DOCK2: variants seen among roughly 807,000 people sequenced by gnomAD.
DOCK2 encodes dedicator of cytokinesis 2, also known as dedicator of cytokinesis protein 2.
DOCK2 carries 87 observed loss-of-function variants against 248.9 expected under a neutral mutation model. The observed-to-expected ratio is 0.35, with a 90% CI of 0.29 to 0.42. DOCK2 has a LOEUF of 0.42. Ranked by LOEUF, DOCK2 falls within the 10% of genes least tolerant of loss-of-function variation. The probability of loss-of-function intolerance (pLI) is 1.00; values close to 1 mark genes in which losing one functional copy is unlikely to be tolerated. For missense variants in DOCK2, 1,747 were observed against 2,300.2 expected, an observed-to-expected ratio of 0.76 and a Z score of 4.92; for synonymous variants, 805 against 821.6, an observed-to-expected ratio of 0.98 and a Z score of 0.35.
intron 33 of DOCK2, 136 bp downstream of exon 33, chr5:170,019,244 C>CG: frequency 2.2e-6 from 3 of 1,342,002 alleles, no homozygotes; most frequent in Non-Finnish European, 3.1e-6. Context: ...TTCATGGGTC[C>CG]GGAATGAGCT....
chr5:170,014,634 TG>T (rs1193063521), intron 32 of DOCK2, among the ~76,000 whole-genome samples: 18 of 43,280 alleles, frequency 4.2e-4, no homozygotes, highest in Admixed American at 2.3e-3. Flanking sequence ...CAGAGACATG[TG>T]TTGGGGGGGG....
rs191827946 is a variant in DOCK2 at position 169,767,214 on chromosome 5, C to T, written c.2554+5589C>T. Among the ~76,000 whole-genome samples the T allele has an allele frequency of 2.6e-5, 4 of 152,194 alleles. No homozygotes were observed. In the East Asian group the frequency reaches 7.7e-4, roughly 29 times the overall value. Reference sequence around the variant, plus strand: ...TCTTTTAAGAAGTGTCTGTTCATGTCCTTTGTCCGCTTTTTAATGGGGTTG... The same window carrying T: ...TCTTTTAAGAAGTGTCTGTTCATGTTCTTTGTCCGCTTTTTAATGGGGTTG... On this transcript the variant is annotated intron_variant, in intron 25 of 51. Coordinates refer to ENST00000520908, the MANE Select transcript of DOCK2 (RefSeq NM_004946.3).
chr5:169,881,441 G>A (rs761924914), intron 27 of DOCK2: 23 of 1,551,284 alleles, frequency 1.5e-5, no homozygotes, highest in South Asian at 1.2e-4. Context: ...TAAAAGTTGC[G>A]CCTGCAAGAC....
chr5:169,966,563 C>T (rs1777308167), intron 27 of DOCK2, among the ~76,000 whole-genome samples: 1 of 152,194 alleles, frequency 6.6e-6, no homozygotes, highest in Admixed American at 6.5e-5. Flanking sequence ...AGCTGGGATG[C>T]AAATTCACCT....
intron 13 of DOCK2, 91 bp from the exon 14 acceptor site, chr5:169,702,212 G>T: frequency 6.7e-7 from 1 of 1,483,406 alleles, no homozygotes; most frequent in Non-Finnish European, 9.1e-7. Flanking sequence ...AGGTGGGAGA[G>T]CTTCTTCTCA....
intron 27 of DOCK2, among the ~76,000 whole-genome samples, chr5:169,918,696 T>A (rs1775012377): frequency 6.6e-6 from 1 of 152,246 alleles, no homozygotes; most frequent in Non-Finnish European, 1.5e-5. Context: ...GAGGATCACC[T>A]GAGTTCAGGG....
At chr5:170,010,190 G>A (rs1304131544) in intron 32 of DOCK2, among the ~76,000 whole-genome samples, 2 of 152,146 alleles carry the variant, frequency 1.3e-5, no homozygotes, top group Non-Finnish European at 2.9e-5. Context: ...CCTCTAAGAT[G>A]CCAGTAGCAC....
At chr5:169,855,833 C>G (rs1770860650) in intron 27 of DOCK2, among the ~76,000 whole-genome samples, 1 of 152,152 alleles carries the variant, frequency 6.6e-6, no homozygotes, top group South Asian at 2.1e-4. Flanking sequence ...ATGTATTGGT[C>G]TGTTTTAACA....
chr5:169,648,987 G>T (rs1010642571), intron 1 of DOCK2, among the ~76,000 whole-genome samples: 2 of 152,134 alleles, frequency 1.3e-5, no homozygotes, highest in African/African-American at 4.8e-5. Flanking sequence ...AGTCACCCTC[G>T]TGGATGCAAT....
rs189370464 is a variant in DOCK2 at position 169,872,725 on chromosome 5, C to T, written c.2799+31873C>T. ...GAAAGTTAACACACTTATTCACTGACGATGCAAGGTCACAAGGAAAGAGGG... is the reference window on the plus strand; with the variant it reads ...GAAAGTTAACACACTTATTCACTGATGATGCAAGGTCACAAGGAAAGAGGG... On this transcript the variant is annotated intron_variant, in intron 27 of 51. Transcript: ENST00000520908. Among the ~76,000 whole-genome samples the T allele has an allele frequency of 4.2e-3, 643 of 152,238 alleles. 7 individuals are homozygous for T. The highest frequency in any genetic ancestry group is 0.014 in the African/African-American group (600 of 41,540).
chr5:169,962,133 A>T (rs1777113387), intron 27 of DOCK2, among the ~76,000 whole-genome samples: 1 of 152,002 alleles, frequency 6.6e-6, no homozygotes, highest in Admixed American at 6.6e-5. Flanking sequence ...CTAAGTAGAG[A>T]TGTGAGTAAT....
At chr5:169,853,859 A>T in intron 27 of DOCK2, among the ~76,000 whole-genome samples, 1 of 84,686 alleles carries the variant, frequency 1.2e-5, no homozygotes, top group Admixed American at 2.1e-4. Flanking sequence ...TGTGGTAGAC[A>T]GAGTCTCATT....
intron 36 of DOCK2, among the ~76,000 whole-genome samples, chr5:170,036,902 A>G (rs1401375376): frequency 6.6e-6 from 1 of 152,232 alleles, no homozygotes; most frequent in Non-Finnish European, 1.5e-5. Context: ...GAGTCCAGAC[A>G]TGTAGTAAGA....
chr5:169,796,059 G>A (rs1156556318), intron 25 of DOCK2, among the ~76,000 whole-genome samples: 1 of 152,248 alleles, frequency 6.6e-6, no homozygotes, highest in Non-Finnish European at 1.5e-5. Flanking sequence ...CTGGTTATGA[G>A]TGGAATGAGA....
intron 23 of DOCK2, among the ~76,000 whole-genome samples, chr5:169,754,910 C>T (rs1764107485): frequency 1.9e-5 from 1 of 51,368 alleles, no homozygotes; most frequent in South Asian, 6.9e-4. Flanking sequence ...AATAATGGTT[C>T]CTATTTTTTA....
At chr5:169,809,747 G>A (rs1026007270) in intron 26 of DOCK2, among the ~76,000 whole-genome samples, 5 of 152,164 alleles carry the variant, frequency 3.3e-5, no homozygotes, top group Non-Finnish European at 7.3e-5. Flanking sequence ...CTATTCTCTG[G>A]TTCCATTAAA....
intron 5 of DOCK2, among the ~76,000 whole-genome samples, chr5:169,672,283 C>T (rs922333418): frequency 6.6e-6 from 1 of 152,200 alleles, no homozygotes; most frequent in Non-Finnish European, 1.5e-5. Context: ...GCTGAGATTA[C>T]AGGCATGAGC....
At chr5:169,790,418 C>T (rs1766262612) in intron 25 of DOCK2, among the ~76,000 whole-genome samples, 1 of 152,112 alleles carries the variant, frequency 6.6e-6, no homozygotes, top group Non-Finnish European at 1.5e-5. Context: ...TTGCCTGAGC[C>T]CTCCATTAGT....
At position 169,954,539 on chromosome 5, in the gene DOCK2, T is replaced by C. The variant is rs75906641; in HGVS notation, c.2800-28529T>C. Reference sequence around the variant, plus strand: ...CCCCTGAAGCTGTGGTTCAGCAGAATCAGGCAGAGCCTGGGTGCAGAAGGG... The same window carrying C: ...CCCCTGAAGCTGTGGTTCAGCAGAACCAGGCAGAGCCTGGGTGCAGAAGGG... On this transcript the variant is annotated intron_variant, in intron 27 of 51. Transcript: ENST00000520908. Among the ~76,000 whole-genome samples, 1,525 of 152,314 alleles carry C rather than the reference T, an allele frequency of 0.01. 77 individuals carry two copies. In the East Asian group the frequency reaches 0.14, roughly 14 times the overall value.
Sources: allele counts gnomAD v4.1 joint callset (sites outside exome capture counted in the v4.1 genomes callset), GRCh38; gene constraint gnomAD v4.1.1; transcripts MANE v1.5; gene names NCBI Gene and HGNC (gene_info 2026-07-23, HGNC 2026-07-21).